Variants in EEPD1 observed in about 807,000 individuals in gnomAD.
EEPD1 encodes endonuclease/exonuclease/phosphatase family domain-containing protein 1.
In EEPD1, 17 loss-of-function variants were observed where a neutral mutation model predicts 46.3. The observed-to-expected ratio is 0.37, with a 90% CI of 0.25 to 0.55. EEPD1 has a LOEUF of 0.55. Ranked by LOEUF, EEPD1 falls within the 20% of genes least tolerant of loss-of-function variation. The pLI, the probability that EEPD1 is intolerant of heterozygous loss-of-function variation, is 0.83. For synonymous variants in EEPD1, 313 were observed against 315.6 expected, an observed-to-expected ratio of 0.99 and a Z score of 0.09; for missense variants, 673 against 745.6, an observed-to-expected ratio of 0.90 and a Z score of 1.13.
chr7:36,221,581 C>T (rs779565473), intron 2 of EEPD1, among the ~76,000 whole-genome samples: 4 of 152,172 alleles, frequency 2.6e-5, no homozygotes, highest in Non-Finnish European at 5.9e-5. Context: ...GCAATTCCAC[C>T]GTAACAGGAA....
intron 2 of EEPD1, among the ~76,000 whole-genome samples, chr7:36,183,441 C>T (rs1785308533): frequency 2.0e-5 from 3 of 152,170 alleles, no homozygotes; most frequent in African/African-American, 7.2e-5. Flanking sequence ...CGCCCGGCTT[C>T]TGTCACAGGA....
chr7:36,291,751 G>C (rs560266449), intron 6 of EEPD1, among the ~76,000 whole-genome samples: 3 of 152,238 alleles, frequency 2.0e-5, no homozygotes, highest in Non-Finnish European at 4.4e-5. Context: ...GATTTGCCAA[G>C]TGTCGTGGAT....
intron 2 of EEPD1, among the ~76,000 whole-genome samples, chr7:36,170,079 T>C (rs2115624889): frequency 6.6e-6 from 1 of 152,304 alleles, no homozygotes; most frequent in African/African-American, 2.4e-5. Flanking sequence ...GCTGCCGGCA[T>C]CCACAAATGA....
intron 6 of EEPD1, among the ~76,000 whole-genome samples, chr7:36,294,952 C>T (rs373446182): frequency 8.6e-5 from 13 of 152,022 alleles, no homozygotes; most frequent in African/African-American, 2.9e-4. Context: ...CCGAAGTGAG[C>T]GGATCACTTG....
intron 3 of EEPD1, among the ~76,000 whole-genome samples, chr7:36,280,592 C>T (rs1301043679): frequency 2.0e-5 from 3 of 152,166 alleles, no homozygotes; most frequent in African/African-American, 7.2e-5. Flanking sequence ...GCCGCGTGCA[C>T]GTGTGTGGGT....
intron 7 of EEPD1, among the ~76,000 whole-genome samples, 194 bp downstream of exon 7, chr7:36,297,381 C>G (rs561623489): frequency 6.6e-6 from 1 of 152,352 alleles, no homozygotes; most frequent in East Asian, 1.9e-4. Context: ...AAGGACCACA[C>G]AGTGCTTTCC....
intron 2 of EEPD1, among the ~76,000 whole-genome samples, chr7:36,167,976 G>T (rs1785014330): frequency 6.6e-6 from 1 of 152,156 alleles, no homozygotes. Context: ...GAGATTCAGA[G>T]TGACCCCTGT....
intron 2 of EEPD1, among the ~76,000 whole-genome samples, chr7:36,169,366 G>C (rs1441201133): frequency 1.3e-5 from 2 of 152,176 alleles, no homozygotes; most frequent in African/African-American, 4.8e-5. Flanking sequence ...TGTATGAGGG[G>C]CTATTTCTCT....
chr7:36,176,437 C>T (rs796878568), intron 2 of EEPD1, among the ~76,000 whole-genome samples: 13 of 152,282 alleles, frequency 8.5e-5, no homozygotes, highest in African/African-American at 3.1e-4. Flanking sequence ...ATGGGAGCCT[C>T]GTGAATTCCG....
At chr7:36,166,289 A>G (rs1385167441) in intron 2 of EEPD1, among the ~76,000 whole-genome samples, 1 of 152,248 alleles carries the variant, frequency 6.6e-6, no homozygotes, top group Non-Finnish European at 1.5e-5. Flanking sequence ...AAATGCAAGT[A>G]GTTGTTAGAT....
chr7:36,167,489 C>G (rs906064750), intron 2 of EEPD1, among the ~76,000 whole-genome samples: 4 of 152,120 alleles, frequency 2.6e-5, no homozygotes, highest in African/African-American at 9.7e-5. Flanking sequence ...GGCCTGGACC[C>G]TTGCACTTCT....
intron 2 of EEPD1, among the ~76,000 whole-genome samples, chr7:36,201,108 G>T (rs6977520): frequency 6.6e-6 from 1 of 152,004 alleles, no homozygotes; most frequent in African/African-American, 2.4e-5. Flanking sequence ...CAACCAACAC[G>T]CCAAATCTGA....
chr7:36,190,887 G>A (rs1361934425), intron 2 of EEPD1, among the ~76,000 whole-genome samples: 1 of 152,180 alleles, frequency 6.6e-6, no homozygotes, highest in East Asian at 1.9e-4. Flanking sequence ...ACAGGCTCAG[G>A]CATGACTTGC....
intron 2 of EEPD1, among the ~76,000 whole-genome samples, chr7:36,205,307 G>C (rs2726091): frequency 0.11 from 16,672 of 152,280 alleles, 1,207 homozygotes; most frequent in Non-Finnish European, 0.17. Context: ...TTTGCAGTGA[G>C]AGTGTAGTCA....
At chr7:36,221,845 C>A (rs749727235) in intron 2 of EEPD1, among the ~76,000 whole-genome samples, 1 of 152,096 alleles carries the variant, frequency 6.6e-6, no homozygotes, top group Non-Finnish European at 1.5e-5. Context: ...AGTCATTATC[C>A]TGATTTTACA....
At chr7:36,216,429 A>G (rs1226807020) in intron 2 of EEPD1, among the ~76,000 whole-genome samples, 1 of 152,188 alleles carries the variant, frequency 6.6e-6, no homozygotes, top group Non-Finnish European at 1.5e-5. Flanking sequence ...TTTTCCACCT[A>G]TTGGATTGGT....
chr7:36,246,526 G>A (rs180898567), intron 3 of EEPD1, among the ~76,000 whole-genome samples: 1 of 152,218 alleles, frequency 6.6e-6, no homozygotes, highest in African/African-American at 2.4e-5. Context: ...TGCTGTGGTC[G>A]TCATCATCAT....
Position 36,154,897 on chromosome 7 carries a change from C to A in EEPD1, c.573C>A (p.Ile191=), listed in dbSNP as rs2115584330. ...TCAATGCCGCCTTCCTGGACAGGAT[C>A]CGGCACCAGGTGTTTGCTGAGAGGT... ...DGINAAFLDR[I]RHQVFAERSR... is the part of the protein sequence containing the mutation. The change falls in exon 2 of 8, where the codon ATC becomes ATA. Residue 191 remains isoleucine (I), a synonymous_variant. Coordinates refer to ENST00000242108, the MANE Select transcript of EEPD1 (RefSeq NM_030636.3). This position sits in a 1 kb window ranked among gnomAD's most constrained non-coding sequence, Gnocchi z 4.2. 1 of 1,614,114 alleles carries A rather than the reference C, an allele frequency of 6.2e-7. No individual in the cohort carries two copies.
chr7:36,219,804 A>T (rs62445441), intron 2 of EEPD1, among the ~76,000 whole-genome samples: 21,183 of 87,856 alleles, frequency 0.24, 2,166 homozygotes, highest in Non-Finnish European at 0.26. Context: ...AGAGAGAGAG[A>T]GAGTGTGTGT....
Sources: allele counts gnomAD v4.1 joint callset (sites outside exome capture counted in the v4.1 genomes callset), GRCh38; gene constraint gnomAD v4.1.1; non-coding constraint Gnocchi (gnomAD v3.1); transcripts MANE v1.5; gene names NCBI Gene and HGNC (gene_info 2026-07-23, HGNC 2026-07-21).